Variants in MALRD1 observed in about 807,000 individuals in gnomAD.
MALRD1 encodes the protein MAM and LDL-receptor class A domain-containing protein 1.
Under a neutral mutation model 242.1 loss-of-function variants are expected in MALRD1, and 247 were observed. The observed-to-expected ratio is 1.02, with a 90% confidence interval of 0.92 to 1.13. The LOEUF (loss-of-function observed/expected upper bound fraction) is 1.13. Ranked by LOEUF, MALRD1 falls within the 50% of genes most tolerant of loss-of-function variation. The pLI, the probability that MALRD1 is intolerant of heterozygous loss-of-function variation, is 0.00. For missense variants in MALRD1, 2,989 were observed against 2,533.1 expected (o/e 1.18, Z -3.86); for synonymous variants, 995 against 866.6 (o/e 1.15, Z -2.60).
intron 35 of MALRD1, among the ~76,000 whole-genome samples, chr10:19,610,383 C>G (rs755472815): frequency 5.3e-5 from 8 of 151,928 alleles, no homozygotes; most frequent in Non-Finnish European, 1.0e-4. Context: ...TTTCTCCTCT[C>G]TCCAGTCACT....
intron 33 of MALRD1, among the ~76,000 whole-genome samples, chr10:19,592,769 A>ACACACG (rs2131551599): frequency 6.8e-6 from 1 of 148,090 alleles, no homozygotes; most frequent in African/African-American, 2.5e-5. Context: ...ACACGCACGC[A>ACACACG]CACACACACA....
At chr10:19,575,797 T>C (rs1053192261) in intron 33 of MALRD1, among the ~76,000 whole-genome samples, 1 of 152,176 alleles carries the variant, frequency 6.6e-6, no homozygotes, top group Non-Finnish European at 1.5e-5. Context: ...TCTCCCAGTT[T>C]CTTTTTACTG....
intron 26 of MALRD1, among the ~76,000 whole-genome samples, chr10:19,367,417 C>T (rs1167455345): frequency 1.3e-5 from 2 of 152,112 alleles, no homozygotes; most frequent in Non-Finnish European, 2.9e-5. Context: ...TCTTCAGTTC[C>T]ATCCATGTTG....
chr10:19,279,051 C>T (rs937926520), intron 19 of MALRD1, among the ~76,000 whole-genome samples: 2 of 152,044 alleles, frequency 1.3e-5, no homozygotes, highest in African/African-American at 4.8e-5. Context: ...CCACTAGGCC[C>T]AGAAGCAGCG....
chr10:19,717,145 T>A (rs1380374625), intron 38 of MALRD1, among the ~76,000 whole-genome samples: 1 of 152,206 alleles, frequency 6.6e-6, no homozygotes, highest in African/African-American at 2.4e-5. Context: ...CCATAGTTTT[T>A]CTGTCAGTAA....
At chr10:19,395,542 G>A (rs570080674) in intron 28 of MALRD1, among the ~76,000 whole-genome samples, 1 of 152,238 alleles carries the variant, frequency 6.6e-6, no homozygotes, top group East Asian at 1.9e-4. Context: ...TGAGCAAAGG[G>A]ATGACTGGAT....
At chr10:19,221,200 T>A (rs1376407401) in intron 18 of MALRD1, among the ~76,000 whole-genome samples, 1 of 152,194 alleles carries the variant, frequency 6.6e-6, no homozygotes, top group Admixed American at 6.5e-5. Context: ...ATCATTTTTT[T>A]AATACTTCTA....
intron 33 of MALRD1, among the ~76,000 whole-genome samples, chr10:19,579,125 G>A (rs1206504490): frequency 3.8e-4 from 58 of 152,104 alleles, no homozygotes. Flanking sequence ...AGCTATGTTT[G>A]TCTTTGTCTT....
chr10:19,384,072 T>C (rs1845950954), intron 26 of MALRD1, among the ~76,000 whole-genome samples: 1 of 151,400 alleles, frequency 6.6e-6, no homozygotes, highest in Non-Finnish European at 1.5e-5. Context: ...AGAGAGAGCA[T>C]GGTGTGAGAT....
intron 36 of MALRD1, among the ~76,000 whole-genome samples, chr10:19,675,035 G>GA (rs1842080594): frequency 6.6e-6 from 1 of 151,916 alleles, no homozygotes; most frequent in Non-Finnish European, 1.5e-5. Flanking sequence ...AACAAAGAGG[G>GA]AAAAGAAGAA....
chr10:19,659,231 G>A (rs61844366), intron 36 of MALRD1, among the ~76,000 whole-genome samples: 2,221 of 152,228 alleles, frequency 0.015, 23 homozygotes, highest in Middle Eastern at 0.031. Flanking sequence ...TAAAATGATC[G>A]TTTATGGTAA....
chr10:19,320,041 C>CTTT lies in MALRD1; in HGVS notation c.3420-3888_3420-3886dup, dbSNP rs34481531. Among the ~76,000 whole-genome samples, 155 of 72,968 alleles carry CTTT rather than the reference C, an allele frequency of 2.1e-3. 1 individual carries two copies. The highest frequency in any genetic ancestry group is 2.7e-3 in the Non-Finnish European group (111 of 41,720). 47.9% of individuals were successfully genotyped at this position (72,968 alleles called of 152,430 possible). On this transcript the variant is annotated intron_variant, in intron 21 of 39. Coordinates refer to ENST00000454679, the MANE Select transcript of MALRD1 (RefSeq NM_001142308.3). ...TGCTAACCTGAGTTTTATAAAACTGCTTTTTTTTTTTTTTTTTTTTTTCAA... is the reference window on the plus strand; with the variant it reads ...TGCTAACCTGAGTTTTATAAAACTGCTTTTTTTTTTTTTTTTTTTTTTTTTCAA...
intron 26 of MALRD1, among the ~76,000 whole-genome samples, chr10:19,358,181 C>T (rs1214047229): frequency 1.5e-5 from 2 of 131,010 alleles, no homozygotes; most frequent in Non-Finnish European, 3.3e-5. Flanking sequence ...TATATGCAAT[C>T]AGGGCAGGAG....
At chr10:19,465,070 G>A (rs114602852) in intron 29 of MALRD1, among the ~76,000 whole-genome samples, 3,279 of 151,956 alleles carry the variant, frequency 0.022, 107 homozygotes, top group African/African-American at 0.075. Flanking sequence ...TTTTGTAGCC[G>A]GAAACTTTGC....
chr10:19,373,326 C>T (rs1338142369), intron 26 of MALRD1, among the ~76,000 whole-genome samples: 1 of 151,396 alleles, frequency 6.6e-6, no homozygotes, highest in Admixed American at 6.6e-5. Flanking sequence ...CATGGTGAAA[C>T]CCCGTCTCTA....
chr10:19,426,373 C>A (rs1452517290), intron 28 of MALRD1, among the ~76,000 whole-genome samples: 1 of 152,098 alleles, frequency 6.6e-6, no homozygotes, highest in African/African-American at 2.4e-5. Context: ...TTGTCACTTA[C>A]CATGAAGTTT....
intron 27 of MALRD1, 95 bp from the exon 28 acceptor site, chr10:19,389,357 C>T (rs10763974): frequency 0.86 from 1,108,995 of 1,291,898 alleles, 478,136 homozygotes; most frequent in African/African-American, 0.92. Context: ...TCAGATCATA[C>T]GAATTGTAAT....
At chr10:19,593,669 A>T (rs1020399420) in intron 33 of MALRD1, among the ~76,000 whole-genome samples, 2 of 152,328 alleles carry the variant, frequency 1.3e-5, no homozygotes, top group African/African-American at 4.8e-5. Flanking sequence ...ATGTTCACAT[A>T]CATTCTCTGA....
intron 5 of MALRD1, among the ~76,000 whole-genome samples, chr10:19,108,967 C>T (rs1166361544): frequency 6.6e-6 from 1 of 152,136 alleles, no homozygotes; most frequent in East Asian, 1.9e-4. Flanking sequence ...GAATGGCTTT[C>T]AGGGGGAAAT....
Sources: gnomAD v4.1 joint callset for allele counts (sites outside exome capture counted in the v4.1 genomes callset) on GRCh38, gnomAD v4.1.1 for gene constraint, MANE v1.5 for transcripts, NCBI Gene and HGNC (gene_info 2026-07-23, HGNC 2026-07-21) for gene names.